The following RAB3C variants were observed in gnomAD, a reference collection of about 807,000 sequenced individuals.
RAB3C encodes ras-related protein Rab-3C.
In RAB3C, 17 loss-of-function variants were observed where a neutral mutation model predicts 26.4. The ratio of observed to expected loss-of-function variants is 0.64; its 90% CI spans 0.44 to 0.97. RAB3C has a LOEUF of 0.97. Among genes scored for constraint, RAB3C ranks in the 50% least tolerant of loss-of-function variants. The pLI is 0.00. For synonymous variants in RAB3C, 91 were observed against 95.9 expected (o/e 0.95, Z 0.30); for missense variants, 242 against 281.9 (o/e 0.86, Z 1.01).
chr5:58,624,162 C>CATAT (rs1747005267), intron 2 of RAB3C, among the ~76,000 whole-genome samples: 1 of 152,104 alleles, frequency 6.6e-6, no homozygotes, highest in South Asian at 2.1e-4. Flanking sequence ...AGGCATTGGA[C>CATAT]ATATAATGGT....
chr5:58,857,520 T>G lies in RAB3C; in HGVS notation c.*6169T>G, dbSNP rs1211027209. On this transcript the variant is annotated 3_prime_UTR_variant, in exon 5 of 5. Transcript: ENST00000282878. ...AAACTATGTGCATTAGGAAAAGTCA[T>G]GTTTTTCTTCTCAGAAAGGTTGATC... 2.0e-5 allele frequency: 3 copies of G among 152,326 alleles called. No homozygotes were observed. The highest frequency in any genetic ancestry group is 7.2e-5 in the African/African-American group (3 of 41,580). 9.4% of individuals were successfully genotyped at this position (152,326 alleles called of 1,614,324 possible). A position where few individuals can be genotyped will look rare whatever the true frequency, so the allele number is the denominator to read the frequency against.
chr5:58,832,298 G>A (rs1743630194), intron 4 of RAB3C, among the ~76,000 whole-genome samples: 1 of 152,202 alleles, frequency 6.6e-6, no homozygotes, highest in Admixed American at 6.5e-5. Flanking sequence ...AAGTCCACTT[G>A]TAATTGCATA....
chr5:58,747,676 C>T (rs774080471), intron 3 of RAB3C, among the ~76,000 whole-genome samples: 26 of 151,660 alleles, frequency 1.7e-4, no homozygotes, highest in Non-Finnish European at 2.7e-4. Flanking sequence ...TATACCAGGG[C>T]GCCAAACCAC....
At chr5:58,769,977 A>G (rs928732617) in intron 3 of RAB3C, among the ~76,000 whole-genome samples, 8 of 152,194 alleles carry the variant, frequency 5.3e-5, no homozygotes, top group African/African-American at 1.9e-4. Context: ...AGTCCAGACA[A>G]TGGTGCTGCA....
rs564163489 is a variant in RAB3C at position 58,740,640 on chromosome 5, T to C, written c.371+14520T>C. On this transcript the variant is annotated intron_variant, in intron 3 of 4. Coordinates refer to ENST00000282878, the MANE Select transcript of RAB3C (RefSeq NM_138453.4). ...ATAAAGATCAGCCTGGCCAGCATGA[T>C]GAAACCCCGTCTCTACTAAAAATAC... Among the ~76,000 whole-genome samples the C allele has an allele frequency of 4.6e-5, 7 of 152,216 alleles. No individual in the cohort carries two copies. The South Asian group carries it at 1.5e-3, about 32-fold the overall frequency.
intron 4 of RAB3C, among the ~76,000 whole-genome samples, chr5:58,838,576 T>A (rs988766897): frequency 6.6e-6 from 1 of 152,212 alleles, no homozygotes; most frequent in Non-Finnish European, 1.5e-5. Flanking sequence ...ATTTTAGTTT[T>A]TAAAAATTTG....
At chr5:58,597,210 A>C (rs1746328469) in intron 1 of RAB3C, among the ~76,000 whole-genome samples, 1 of 97,666 alleles carries the variant, frequency 1.0e-5, no homozygotes, top group Non-Finnish European at 1.9e-5. Context: ...TATATACTAC[A>C]TAAATATTAT....
intron 4 of RAB3C, chr5:58,846,746 C>G (rs143192774): frequency 1.3e-5 from 2 of 151,988 alleles, no homozygotes; most frequent in African/African-American, 4.8e-5. Context: ...GAATCACAGC[C>G]GTTTGTCACT....
At chr5:58,780,196 T>C (rs1467683996) in intron 3 of RAB3C, among the ~76,000 whole-genome samples, 1 of 152,112 alleles carries the variant, frequency 6.6e-6, no homozygotes, top group Non-Finnish European at 1.5e-5. Flanking sequence ...AGGCCTGTAT[T>C]GGTAAGGCCT....
intron 3 of RAB3C, among the ~76,000 whole-genome samples, chr5:58,807,409 T>C (rs191721545): frequency 5.9e-5 from 9 of 152,346 alleles, no homozygotes; most frequent in Admixed American, 3.9e-4. Context: ...CCATGCTAAG[T>C]TGCAGCTACT....
Position 58,697,597 on chromosome 5 carries a change from C to T in RAB3C, c.253-28405C>T, listed in dbSNP as rs1333427132. On this transcript the variant is annotated intron_variant, in intron 2 of 4. Coordinates refer to ENST00000282878, the MANE Select transcript of RAB3C (RefSeq NM_138453.4). ...ATCTCTAAGGACTTGCTTTATGAAT[C>T]TGGGTGCTCCTGTATTGGGTGCATA... 2.6e-5 allele frequency among the ~76,000 whole-genome samples: 4 copies of T among 152,142 alleles called. No homozygotes were observed. In the East Asian group the frequency reaches 7.7e-4, roughly 29 times the overall value.
At chr5:58,698,246 A>G (rs1748761342) in intron 2 of RAB3C, among the ~76,000 whole-genome samples, 1 of 152,220 alleles carries the variant, frequency 6.6e-6, no homozygotes, top group African/African-American at 2.4e-5. Context: ...AATGTTGAAT[A>G]TCGGCCCCCA....
chr5:58,775,013 T>C (rs374918609), intron 3 of RAB3C, among the ~76,000 whole-genome samples: 46 of 152,188 alleles, frequency 3.0e-4, no homozygotes, highest in African/African-American at 9.6e-4. Context: ...CATGGTCCAA[T>C]ATATTTAAGA....
At chr5:58,611,066 G>A (rs1746690403) in intron 1 of RAB3C, among the ~76,000 whole-genome samples, 1 of 152,080 alleles carries the variant, frequency 6.6e-6, no homozygotes, top group South Asian at 2.1e-4. Context: ...TCCATCCCAT[G>A]TTCCTGCAAA....
At position 58,857,396 on chromosome 5, in the gene RAB3C, T is replaced by C. The variant is rs975736280; in HGVS notation, c.*6045T>C. 1.3e-5 allele frequency: 2 copies of C among 152,312 alleles called. No homozygotes were observed. Among genetic ancestry groups the C allele is most frequent in the African/African-American group, 4.8e-5 (2 of 41,582 alleles). The allele number at this position is 152,312 out of a possible 1,614,324, so 9.4% of individuals were successfully genotyped here. A position where few individuals can be genotyped will look rare whatever the true frequency, so the allele number is the denominator to read the frequency against. ...TCAAGACAGAATGGCTGTTCATTTA[T>C]TTTATAAAAGCATCTCCTTCTATAA... On this transcript the variant is annotated 3_prime_UTR_variant, in exon 5 of 5. Coordinates refer to ENST00000282878, the MANE Select transcript of RAB3C (RefSeq NM_138453.4).
upstream of RAB3C, chr5:58,582,909 C>T (rs1579797367): frequency 1.8e-6 from 1 of 550,708 alleles, no homozygotes; most frequent in Non-Finnish European, 2.9e-6. Context: ...CGCGGCCGAG[C>T]CCGACTGGCG....
intron 3 of RAB3C, among the ~76,000 whole-genome samples, chr5:58,727,839 C>T (rs1248099524): frequency 1.3e-5 from 2 of 151,976 alleles, no homozygotes; most frequent in Non-Finnish European, 2.9e-5. Context: ...ATTCCTGCCT[C>T]ATCAATGCCT....
chr5:58,805,582 T>A (rs1302258014), intron 3 of RAB3C, among the ~76,000 whole-genome samples: 3 of 83,080 alleles, frequency 3.6e-5, no homozygotes, highest in African/African-American at 4.7e-5. Context: ...AAAGCAAGAC[T>A]CCATCTGAAA....
chr5:58,696,484 T>A (rs1748703242), intron 2 of RAB3C, among the ~76,000 whole-genome samples: 1 of 152,236 alleles, frequency 6.6e-6, no homozygotes, highest in African/African-American at 2.4e-5. Context: ...ATTGGAAGTT[T>A]CAGAAGGAAT....
Sources: allele counts gnomAD v4.1 joint callset (sites outside exome capture counted in the v4.1 genomes callset), GRCh38; gene constraint gnomAD v4.1.1; transcripts MANE v1.5; gene names NCBI Gene and HGNC (gene_info 2026-07-23, HGNC 2026-07-21).